Variants in EXOSC5 observed in about 807,000 individuals in gnomAD.
EXOSC5 encodes exosome complex component RRP46.
In EXOSC5, 15 loss-of-function variants were observed where a neutral mutation model predicts 23.7. That is an observed-to-expected ratio of 0.63 (90% CI 0.42 to 0.97). EXOSC5 has a LOEUF of 0.97. EXOSC5 is among the 50% of genes least tolerant of loss of function. EXOSC5 has a pLI of 0.00. For missense variants in EXOSC5, 305 were observed against 316.3 expected, an observed-to-expected ratio of 0.96 and a Z score of 0.27; for synonymous variants, 143 against 140.9, an observed-to-expected ratio of 1.02 and a Z score of -0.11.
At chr19:41,393,561 A>AT (rs5828105) in intron 1 of EXOSC5, among the ~76,000 whole-genome samples, 88 of 145,708 alleles carry the variant, frequency 6.0e-4, no homozygotes, top group Admixed American at 3.2e-3. Context: ...GATATTAGTA[A>AT]TTTTTTTTTT....
At chr19:41,393,628 C>T (rs546562450) in intron 1 of EXOSC5, among the ~76,000 whole-genome samples, 4 of 151,502 alleles carry the variant, frequency 2.6e-5, no homozygotes, top group South Asian at 2.1e-4. Context: ...GGCGTAATCT[C>T]GGCTCACCGC....
chr19:41,386,379 G>A lies in EXOSC5; in HGVS notation c.*254C>T. On this transcript the variant is annotated 3_prime_UTR_variant, in exon 6 of 6. Transcript: ENST00000221233. ...GGGTGCTCAACAGACATTTGTTAAA[G>A]TGAATTAATTTATTGATTCATCCAT... The A allele has an allele frequency of 2.2e-6, 1 of 462,260 alleles. No individual in the cohort carries two copies. Among genetic ancestry groups the A allele is most frequent in the Non-Finnish European group, 3.9e-6 (1 of 257,086 alleles). The allele number at this position is 462,260 out of a possible 1,614,324, so 28.6% of individuals were successfully genotyped here.
intron 4 of EXOSC5, 33 bp from the exon 5 acceptor site, chr19:41,387,636 C>G: frequency 6.8e-7 from 1 of 1,469,950 alleles, no homozygotes. Flanking sequence ...GGTGGGGGAC[C>G]TAGGACCTTC....
intron 3 of EXOSC5, among the ~76,000 whole-genome samples, chr19:41,390,382 G>A (rs888309759): frequency 6.6e-6 from 1 of 152,180 alleles, no homozygotes; most frequent in Non-Finnish European, 1.5e-5. Flanking sequence ...GTAGCCCTGG[G>A]TTCCAGACCT....
rs112673788 is a variant in EXOSC5 at position 41,387,460 on chromosome 19, G to A, written c.615+54C>T. ...TCCAGGGCAGAGTTGGGACAAGACC[G>A]TATGTCAGTGGGAAGGAAGGTTCTG... On this transcript the variant is annotated intron_variant, in intron 5 of 5. Transcript: ENST00000221233. 54 of 1,410,622 alleles carry A rather than the reference G, an allele frequency of 3.8e-5. 1 individual carries two copies. Among genetic ancestry groups the A allele is most frequent in the African/African-American group, 2.3e-4 (16 of 70,158 alleles). The allele number at this position is 1,410,622 out of a possible 1,614,324, so 87.4% of individuals were successfully genotyped here.
chr19:41,386,702 G>A lies in EXOSC5; in HGVS notation c.639C>T (p.Ala213=), dbSNP rs36035938. ...GGAAGACGTGTTGCGAAGCGGCCTG[G>A]GCCGCAGCCAGGCACTGCTGGAGCT... is the stretch of plus-strand genomic sequence containing the variant. ...DTELQQCLAA[A]QAASQHVFRF... is the part of the protein sequence containing the mutation. Residue 213 remains alanine (A), a synonymous_variant, in exon 6 of 6, where the codon GCC becomes GCT. Coordinates refer to ENST00000221233, the MANE Select transcript of EXOSC5 (RefSeq NM_020158.4). 6.2e-3 allele frequency: 9,849 copies of A among 1,600,312 alleles called. 468 individuals carry two copies. In the African/African-American group the frequency reaches 0.11, roughly 18 times the overall value.
intron 1 of EXOSC5, among the ~76,000 whole-genome samples, chr19:41,394,830 C>G (rs909177678): frequency 6.6e-6 from 1 of 151,918 alleles, no homozygotes; most frequent in Non-Finnish European, 1.5e-5. Context: ...GTCAGGAGTT[C>G]AAGATCAGCC....
At chr19:41,397,062 G>C in intron 1 of EXOSC5, 119 bp downstream of exon 1, 1 of 1,193,948 alleles carries the variant, frequency 8.4e-7, no homozygotes, top group Non-Finnish European at 1.2e-6. Flanking sequence ...AATCGGACAA[G>C]AAATCATGCA....
chr19:41,391,938 C>A lies in EXOSC5; in HGVS notation c.287G>T (p.Arg96Leu). ...LPGVAEKSRE[R>L]LIRNTCEAVV... ...CGCCTCGCACGTGTTCCTGATCAGC[C>A]GCTCCCGGCTCTTCTCTGCAACACC... Residue 96 changes from arginine to leucine, a missense_variant, in exon 3 of 6, where the codon CGG becomes CTG. By Grantham distance (102) the Arg-to-Leu change is moderately radical. Transcript: ENST00000221233. The A allele has an allele frequency of 1.3e-6, 2 of 1,580,930 alleles. No individual in the cohort carries two copies. Among genetic ancestry groups the A allele is most frequent in the Non-Finnish European group, 1.7e-6 (2 of 1,166,990 alleles).
At chr19:41,396,839 T>A (rs1386146103) in intron 1 of EXOSC5, among the ~76,000 whole-genome samples, 1 of 23,556 alleles carries the variant, frequency 4.2e-5, no homozygotes, top group African/African-American at 1.9e-4. Context: ...AGGGTGTGTG[T>A]GTGGGGGGTG....
intron 4 of EXOSC5, among the ~76,000 whole-genome samples, chr19:41,388,735 C>CTGT (rs1599938962): frequency 6.6e-6 from 1 of 152,164 alleles, no homozygotes; most frequent in Non-Finnish European, 1.5e-5. Flanking sequence ...GGGCAGAAAA[C>CTGT]TCAGAATAAC....
chr19:41,391,341 T>C (rs2039021323), intron 3 of EXOSC5, among the ~76,000 whole-genome samples: 2 of 152,282 alleles, frequency 1.3e-5, no homozygotes, highest in Non-Finnish European at 2.9e-5. Context: ...GCATCCAGCC[T>C]GGGTGACAGA....
intron 3 of EXOSC5, 96 bp from the exon 4 acceptor site, chr19:41,390,001 C>G (rs891336936): frequency 7.2e-7 from 1 of 1,387,240 alleles, no homozygotes; most frequent in Non-Finnish European, 9.5e-7. Flanking sequence ...GGTGTGATCT[C>G]GGCTCACTGC....
Position 41,397,198 on chromosome 19 carries a change from G to A in EXOSC5, c.131C>T (p.Ser44Phe). 1 of 1,614,086 alleles carries A rather than the reference G, an allele frequency of 6.2e-7. No homozygotes were observed. The highest frequency in any genetic ancestry group is 1.1e-5 in the South Asian group (1 of 91,080). ...EQNLLSRPDG[S>F]ASFLQGDTSV... ...GTTCTTACCTTGCAGGAAGGAAGCA[G>A]AGCCATCTGGCCGCGACAGCAGGTT... Residue 44 changes from serine (S) to phenylalanine (F), a missense_variant, in exon 1 of 6, where the codon TCT becomes TTT. Physicochemically the swap from Ser to Phe is radical, Grantham distance 155 (BLOSUM62 -2). Transcript: ENST00000221233.
At chr19:41,396,623 T>C (rs867603304) in intron 1 of EXOSC5, among the ~76,000 whole-genome samples, 4,132 of 121,932 alleles carry the variant, frequency 0.034, 167 homozygotes, top group African/African-American at 0.12. Flanking sequence ...TAATCTTTTT[T>C]TTTTTTTTTT....
intron 1 of EXOSC5, among the ~76,000 whole-genome samples, chr19:41,395,598 C>T (rs1010526629): frequency 6.6e-6 from 1 of 152,212 alleles, no homozygotes; most frequent in Non-Finnish European, 1.5e-5. Context: ...GTCAGTAAGG[C>T]TGAAACAGCT....
In EXOSC5 at chr19:41,395,789, T is replaced by C. The variant is rs550005187; in HGVS notation, c.148+1392A>G. 3.9e-5 allele frequency among the ~76,000 whole-genome samples: 6 copies of C among 152,302 alleles called. No homozygotes were observed. The South Asian group carries it at 1.2e-3, about 32-fold the overall frequency. ...CCTGGGACCTCTTCTCTTTTCCATC[T>C]ACACTCACTTCGTTCAGGCAATAGC... On this transcript the variant is annotated intron_variant, in intron 1 of 5. Coordinates refer to ENST00000221233, the MANE Select transcript of EXOSC5 (RefSeq NM_020158.4).
At chr19:41,395,318 C>T (rs1482310087) in intron 1 of EXOSC5, among the ~76,000 whole-genome samples, 1 of 152,178 alleles carries the variant, frequency 6.6e-6, no homozygotes, top group Non-Finnish European at 1.5e-5. Context: ...CAAAACAGAA[C>T]TTGCCTCTGG....
intron 2 of EXOSC5, among the ~76,000 whole-genome samples, chr19:41,392,620 A>G (rs1490234267): frequency 6.6e-6 from 1 of 151,968 alleles, no homozygotes; most frequent in African/African-American, 2.4e-5. Flanking sequence ...AAATAAAAGA[A>G]AAACAGGTTA....
Sources: allele counts gnomAD v4.1 joint callset (sites outside exome capture counted in the v4.1 genomes callset), GRCh38; gene constraint gnomAD v4.1.1; transcripts MANE v1.5; gene names NCBI Gene and HGNC (gene_info 2026-07-23, HGNC 2026-07-21).